The following NCK2 variants were observed in gnomAD, a reference collection of about 807,000 sequenced individuals.
The protein encoded by NCK2 is cytoplasmic protein NCK2.
In NCK2, 16 loss-of-function variants were observed where a neutral mutation model predicts 33.9. The ratio of observed to expected loss-of-function variants is 0.47; its 90% CI spans 0.32 to 0.72. The LOEUF (loss-of-function observed/expected upper bound fraction) is 0.72. NCK2 is among the 30% of genes least tolerant of loss of function. The probability of loss-of-function intolerance (pLI) is 0.03; values close to 1 mark genes in which losing one functional copy is unlikely to be tolerated. For missense variants in NCK2, 418 were observed against 537.3 expected (o/e 0.78, Z 2.19); for synonymous variants, 273 against 239.9 (o/e 1.14, Z -1.27).
At chr2:105,825,496 G>A (rs1675904996) in intron 2 of NCK2, among the ~76,000 whole-genome samples, 1 of 152,216 alleles carries the variant, frequency 6.6e-6, no homozygotes, top group Non-Finnish European at 1.5e-5. Flanking sequence ...GCAGCGCTTT[G>A]GAACATAGCA....
At chr2:105,758,947 A>G (rs575525858) in intron 1 of NCK2, among the ~76,000 whole-genome samples, 2 of 152,338 alleles carry the variant, frequency 1.3e-5, no homozygotes, top group Admixed American at 6.5e-5. Flanking sequence ...TTCGTCCTCT[A>G]TTTGACACTG....
chr2:105,766,675 G>A (rs1289685806), intron 1 of NCK2, among the ~76,000 whole-genome samples: 4 of 152,102 alleles, frequency 2.6e-5, no homozygotes, highest in African/African-American at 9.7e-5. Context: ...CACCTTTCAG[G>A]GTAGTCTGTG....
intron 3 of NCK2, among the ~76,000 whole-genome samples, chr2:105,867,226 T>C (rs1045782771): frequency 6.6e-6 from 1 of 152,168 alleles, no homozygotes; most frequent in Non-Finnish European, 1.5e-5. Context: ...AAGGACTCTG[T>C]GGGTTTTCAG....
At chr2:105,875,361 C>G (rs1005739841) in intron 3 of NCK2, among the ~76,000 whole-genome samples, 1 of 152,202 alleles carries the variant, frequency 6.6e-6, no homozygotes, top group African/African-American at 2.4e-5. Flanking sequence ...TACGGGGTCT[C>G]CTGCCCCGCC....
chr2:105,828,511 A>C (rs757316144), intron 2 of NCK2, among the ~76,000 whole-genome samples: 3 of 152,220 alleles, frequency 2.0e-5, no homozygotes, highest in Non-Finnish European at 4.4e-5. Flanking sequence ...TAAGCATGTG[A>C]TAGGTAATGA....
chr2:105,843,463 T>C (rs1205757294), intron 2 of NCK2, among the ~76,000 whole-genome samples: 1 of 151,332 alleles, frequency 6.6e-6, no homozygotes, highest in Non-Finnish European at 1.5e-5. Flanking sequence ...AAAAGTGGAC[T>C]ACAGGTACTG....
At chr2:105,804,449 A>G (rs1864555) in intron 1 of NCK2, among the ~76,000 whole-genome samples, 139,785 of 152,294 alleles carry the variant, frequency 0.92, 64,209 homozygotes, top group East Asian at 1. Flanking sequence ...GGCTTTGGAA[A>G]TGCTTACACA....
intron 1 of NCK2, among the ~76,000 whole-genome samples, chr2:105,794,378 A>G (rs1475367452): frequency 1.3e-5 from 2 of 152,076 alleles, no homozygotes; most frequent in South Asian, 4.1e-4. Flanking sequence ...TATTTCCTTT[A>G]TGCTGAAAAT....
intron 1 of NCK2, among the ~76,000 whole-genome samples, chr2:105,778,092 T>C (rs1482259389): frequency 1.3e-5 from 2 of 152,172 alleles, no homozygotes; most frequent in African/African-American, 2.4e-5. Context: ...CCCATTGAGC[T>C]CTGTGAAGTG....
chr2:105,833,236 A>G (rs944055282), intron 2 of NCK2, among the ~76,000 whole-genome samples: 1 of 152,008 alleles, frequency 6.6e-6, no homozygotes, highest in Non-Finnish European at 1.5e-5. Flanking sequence ...CTGGGATTCC[A>G]GGCATGCAGC....
intron 1 of NCK2, among the ~76,000 whole-genome samples, chr2:105,764,393 C>T (rs115015699): frequency 0.019 from 2,873 of 152,290 alleles, 51 homozygotes; most frequent in Non-Finnish European, 0.022. Context: ...TGTTTATCGC[C>T]GGCCACCCTC....
chr2:105,808,382 A>T (rs1675165526), intron 1 of NCK2, among the ~76,000 whole-genome samples: 1 of 152,254 alleles, frequency 6.6e-6, no homozygotes, highest in Non-Finnish European at 1.5e-5. Context: ...TGAAAATGAC[A>T]GCCTGGAAAG....
intron 4 of NCK2, among the ~76,000 whole-genome samples, chr2:105,884,619 C>T (rs1466125788): frequency 2.6e-5 from 4 of 152,066 alleles, no homozygotes; most frequent in Non-Finnish European, 4.4e-5. Context: ...TTGAGGGGTG[C>T]GTATTTCAGG....
intron 2 of NCK2, among the ~76,000 whole-genome samples, chr2:105,847,491 T>G (rs1676896883): frequency 6.6e-6 from 1 of 152,116 alleles, no homozygotes; most frequent in South Asian, 2.1e-4. Context: ...CTGGCCTGTG[T>G]CCCGGTGGGC....
chr2:105,784,061 C>T (rs1413121565), intron 1 of NCK2, among the ~76,000 whole-genome samples: 1 of 152,214 alleles, frequency 6.6e-6, no homozygotes, highest in African/African-American at 2.4e-5. Context: ...CCATGCGTGG[C>T]ATTGGCAGTG....
chr2:105,764,918 C>T (rs143695122), intron 1 of NCK2, among the ~76,000 whole-genome samples: 20 of 152,308 alleles, frequency 1.3e-4, no homozygotes, highest in Middle Eastern at 3.4e-3. Flanking sequence ...GAAAGCGCCA[C>T]ACTTGCATAA....
chr2:105,856,092 C>T (rs1677256822), intron 3 of NCK2, among the ~76,000 whole-genome samples: 1 of 151,954 alleles, frequency 6.6e-6, no homozygotes, highest in African/African-American at 2.4e-5. Flanking sequence ...CCTTGGCCTC[C>T]CAAAGTGCTG....
At chr2:105,835,425 T>TATATA (rs1175205835) in intron 2 of NCK2, among the ~76,000 whole-genome samples, 96 of 10,952 alleles carry the variant, frequency 8.8e-3, no homozygotes, top group Non-Finnish European at 0.016. Context: ...ATATATATAT[T>TATATA]TTTTTTTTGG....
intron 1 of NCK2, among the ~76,000 whole-genome samples, chr2:105,798,842 G>A (rs988999670): frequency 5.3e-5 from 8 of 152,160 alleles, no homozygotes; most frequent in African/African-American, 9.7e-5. Flanking sequence ...GTTGTTCACC[G>A]AGCTTCCTCA....
Sources: allele counts gnomAD v4.1 joint callset (sites outside exome capture counted in the v4.1 genomes callset), GRCh38; gene constraint gnomAD v4.1.1; transcripts MANE v1.5; gene names NCBI Gene and HGNC (gene_info 2026-07-23, HGNC 2026-07-21).